The following ENKUR variants were observed in gnomAD, a reference collection of about 807,000 sequenced individuals.
The protein encoded by ENKUR is enkurin.
In ENKUR, 19 loss-of-function variants were observed where a neutral mutation model predicts 27.6. The ratio of observed to expected loss-of-function variants is 0.69; its 90% confidence interval spans 0.48 to 1.01. The LOEUF (loss-of-function observed/expected upper bound fraction) is 1.01, where lower values mean the gene tolerates loss of function less well. ENKUR is among the 50% of genes least tolerant of loss of function. The pLI, the probability that ENKUR is intolerant of heterozygous loss-of-function variation, is 0.00. For missense variants in ENKUR, 312 were observed against 310.5 expected (o/e 1.00, Z -0.04); for synonymous variants, 117 against 96.9 (o/e 1.21, Z -1.22).
chr10:25,023,701 G>A (rs1655454664), intron 2 of ENKUR: 2 of 1,613,934 alleles, frequency 1.2e-6, no homozygotes, highest in Non-Finnish European at 1.7e-6. Context: ...ACCTCTACTA[G>A]ATCTAATTTG....
rs2307047 is a variant in ENKUR at position 24,982,341 on chromosome 10, G to A, written c.*2029C>T. ...GATCTCAGAGGTCTCTAGTACCTCA[G>A]TACTATGGGAATGCCAGTTACAGTG... is the stretch of plus-strand genomic sequence containing the variant. On this transcript the variant is annotated 3_prime_UTR_variant, in exon 6 of 6. Coordinates refer to ENST00000331161, the MANE Select transcript of ENKUR (RefSeq NM_145010.4). 51,194 of 151,340 alleles carry A rather than the reference G, an allele frequency of 0.34. 8,792 individuals carry two copies. Among genetic ancestry groups the A allele is most frequent in the East Asian group, 0.48 (2,469 of 5,120 alleles). 9.4% of individuals were successfully genotyped at this position (151,340 alleles called of 1,614,324 possible).
At chr10:24,989,580 C>T (rs1296684934) in intron 4 of ENKUR, among the ~76,000 whole-genome samples, 1 of 152,128 alleles carries the variant, frequency 6.6e-6, no homozygotes, top group African/African-American at 2.4e-5. Context: ...CACAATACTC[C>T]ACTGCAGATA....
At chr10:25,006,185 C>T (rs1318216193) in intron 1 of ENKUR, among the ~76,000 whole-genome samples, 1 of 152,156 alleles carries the variant, frequency 6.6e-6, no homozygotes, top group African/African-American at 2.4e-5. Flanking sequence ...CAGAGCACAA[C>T]ACATTGCTGT....
At chr10:25,030,756 C>T (rs1462965760) in intron 2 of ENKUR, among the ~76,000 whole-genome samples, 5 of 152,138 alleles carry the variant, frequency 3.3e-5, no homozygotes, top group African/African-American at 1.2e-4. Context: ...TTCTTTCTTT[C>T]TCAAACTCCT....
chr10:25,036,324 T>C (rs1479121086), intron 2 of ENKUR, among the ~76,000 whole-genome samples: 2 of 152,200 alleles, frequency 1.3e-5, no homozygotes, highest in African/African-American at 2.4e-5. Flanking sequence ...TCTGCTGTCA[T>C]GTAAGACATG....
chr10:25,016,962 C>T (rs1157368582), upstream of ENKUR, among the ~76,000 whole-genome samples: 1 of 152,198 alleles, frequency 6.6e-6, no homozygotes, highest in African/African-American at 2.4e-5. Flanking sequence ...CAGCCCTGCC[C>T]GCCACGTGTG....
At chr10:25,062,286 A>G (rs1029462944), upstream of ENKUR, 1 of 152,184 alleles carries the variant, frequency 6.6e-6, no homozygotes, top group Non-Finnish European at 1.5e-5. Flanking sequence ...AGGGAGAGAA[A>G]AAGTTAAACA....
intron 1 of ENKUR, among the ~76,000 whole-genome samples, chr10:25,008,630 T>C (rs1393826909): frequency 6.6e-6 from 1 of 152,206 alleles, no homozygotes; most frequent in Non-Finnish European, 1.5e-5. Flanking sequence ...CAAAAACTAA[T>C]GCTGTTCACT....
chr10:25,009,799 C>T (rs183348133), intron 1 of ENKUR, among the ~76,000 whole-genome samples: 40 of 152,102 alleles, frequency 2.6e-4, no homozygotes, highest in Admixed American at 2.0e-3. Flanking sequence ...GAGGCGTTCC[C>T]CTGCACACAC....
At chr10:25,050,327 G>A (rs544677872) in intron 2 of ENKUR, among the ~76,000 whole-genome samples, 1 of 152,122 alleles carries the variant, frequency 6.6e-6, no homozygotes, top group African/African-American at 2.4e-5. Context: ...AAAGACATAC[G>A]TAAGACTGGG....
At position 25,057,421 on chromosome 10, in the gene ENKUR, ACACACAC is replaced by A. The variant is rs1564359451; in HGVS notation, c.37+3684_37+3690del. On this transcript the variant is annotated intron_variant, in intron 2 of 5. Coordinates refer to the ENKUR transcript ENST00000615958. Reference sequence around the variant, plus strand: ...CACACACACACACACACACACACACACACACACAATGCCCTTAAATCGCTCTTCAGTT... The same window carrying A: ...CACACACACACACACACACACACACAAATGCCCTTAAATCGCTCTTCAGTT... Among the ~76,000 whole-genome samples, 409 of 146,500 alleles carry A rather than the reference ACACACAC, an allele frequency of 2.8e-3. 8 individuals carry two copies. Among genetic ancestry groups the A allele is most frequent in the African/African-American group, 9.7e-3 (382 of 39,434 alleles).
intron 2 of ENKUR, chr10:25,023,481 G>C: frequency 6.2e-7 from 1 of 1,614,046 alleles, no homozygotes; most frequent in Non-Finnish European, 8.5e-7. Context: ...TCATAGATGT[G>C]GATGATGATA....
rs192878561 is a variant in ENKUR, at chr10:24,997,725, A to G, written c.223+1676T>C. Among the ~76,000 whole-genome samples the G allele has an allele frequency of 5.3e-5, 8 of 151,970 alleles. No homozygotes were observed. In the East Asian group the frequency reaches 1.2e-3, roughly 22 times the overall value. ...AATTGATGAATTATTCTAAAGGCCA[A>G]TGAAATTTTGGGTTTGCTTTTGCCT... On this transcript the variant is annotated intron_variant, in intron 2 of 5. Coordinates refer to ENST00000331161, the MANE Select transcript of ENKUR (RefSeq NM_145010.4).
At chr10:25,058,104 A>G (rs1006157363) in intron 2 of ENKUR, among the ~76,000 whole-genome samples, 2 of 152,046 alleles carry the variant, frequency 1.3e-5, no homozygotes, top group African/African-American at 4.8e-5. Context: ...CCCAGAGTCC[A>G]CGAGTAATCT....
chr10:25,049,459 A>G (rs1197792653), intron 2 of ENKUR, among the ~76,000 whole-genome samples: 3 of 152,162 alleles, frequency 2.0e-5, no homozygotes, highest in African/African-American at 7.2e-5. Context: ...TCTACTAGTT[A>G]AGTTGGGGAA....
At chr10:25,061,230 G>A in exon 2 of ENKUR, 2 of 1,278,730 alleles carry the variant, frequency 1.6e-6, no homozygotes, top group Non-Finnish European at 2.2e-6. Flanking sequence ...AATCGACCCT[G>A]GTTTGCAGCT....
intron 2 of ENKUR, chr10:25,025,726 T>G: frequency 2.7e-6 from 1 of 369,776 alleles, no homozygotes. Flanking sequence ...CAATTTCCAC[T>G]CCCACACCCT....
chr10:25,014,707 T>C lies in ENKUR; in HGVS notation c.77+1153A>G, dbSNP rs146552711. On this transcript the variant is annotated intron_variant, in intron 1 of 5. Transcript: ENST00000331161. ...CAAAAGTTGGTGCAACAATAGAAAA[T>C]TTGAAAATAAATTCTGCAACTGTGC... Among the ~76,000 whole-genome samples, 761 of 152,216 alleles carry C rather than the reference T, an allele frequency of 5.0e-3. 5 individuals are homozygous for C. Among genetic ancestry groups the C allele is most frequent in the African/African-American group, 0.017 (721 of 41,526 alleles).
intron 2 of ENKUR, chr10:25,024,345 A>G: frequency 1.9e-6 from 3 of 1,614,138 alleles, no homozygotes; most frequent in Non-Finnish European, 2.5e-6. Context: ...ATTATATGAT[A>G]CTTGTAGCTA....
Sources: gnomAD v4.1 joint callset for allele counts (sites outside exome capture counted in the v4.1 genomes callset) on GRCh38, gnomAD v4.1.1 for gene constraint, MANE v1.5 for transcripts, NCBI Gene and HGNC (gene_info 2026-07-23, HGNC 2026-07-21) for gene names.